The following CACNA1D variants were observed in gnomAD, a reference collection of about 807,000 sequenced individuals.
CACNA1D encodes the protein voltage-dependent L-type calcium channel subunit alpha-1D.
Under a neutral mutation model 257.1 loss-of-function variants are expected in CACNA1D, and 55 were observed. The ratio of observed to expected loss-of-function variants is 0.21; its 90% CI spans 0.17 to 0.27. The LOEUF is 0.27. Ranked by LOEUF, CACNA1D falls within the 10% of genes least tolerant of loss-of-function variation. CACNA1D has a pLI of 1.00. For missense variants in CACNA1D, 1,876 were observed against 2,784.0 expected (o/e 0.67, Z 7.34); for synonymous variants, 980 against 1,014.9 (o/e 0.97, Z 0.65).
chr3:53,696,043 A>G (rs777715129), intron 8 of CACNA1D, among the ~76,000 whole-genome samples: 1 of 152,194 alleles, frequency 6.6e-6, no homozygotes, highest in Non-Finnish European at 1.5e-5. Flanking sequence ...AGCTCACTGC[A>G]ACCTCAACCT....
At chr3:53,612,929 C>T (rs2093598647) in intron 3 of CACNA1D, among the ~76,000 whole-genome samples, 1 of 152,106 alleles carries the variant, frequency 6.6e-6, no homozygotes, top group Non-Finnish European at 1.5e-5. Context: ...TAAATTTGGT[C>T]CATTTTATTT....
In CACNA1D at chr3:53,723,643, A is replaced by G. The variant is rs2094903639; in HGVS notation, c.1876A>G (p.Ile626Val). The G allele has an allele frequency of 6.2e-7, 1 of 1,613,912 alleles. No individual in the cohort carries two copies. Among genetic ancestry groups the G allele is most frequent in the African/African-American group, 1.3e-5 (1 of 74,882 alleles). ...GTTTCGGTGTGTGCGCCTCTTAAGA[A>G]TCTTCAAAGTGACCAGGTAAGGAAA... is the stretch of plus-strand genomic sequence containing the variant. ...SVFRCVRLLR[I>V]FKVTRHWTSL... is the part of the protein sequence containing the mutation. The change falls in exon 13 of 48, where the codon ATC becomes GTC. Residue 626 changes from isoleucine (I) to valine (V), a missense_variant. By Grantham distance (29) the Ile-to-Val change is conservative. Around this residue, in one of 10 missense-constraint regions of CACNA1D, gnomAD observed 257 missense variants for 399.7 expected, o/e 0.64. Transcript: ENST00000350061. This position sits in a 1 kb window ranked among gnomAD's most constrained non-coding sequence, Gnocchi z 5.6.
chr3:53,566,707 A>AG (rs1453067932), intron 3 of CACNA1D, among the ~76,000 whole-genome samples: 1 of 152,140 alleles, frequency 6.6e-6, no homozygotes, highest in African/African-American at 2.4e-5. Context: ...GAGGGCAGAG[A>AG]GGGCCTCTGG....
chr3:53,735,684 A>G (rs1445822013), intron 20 of CACNA1D, among the ~76,000 whole-genome samples, 181 bp downstream of exon 20: 2 of 152,246 alleles, frequency 1.3e-5, no homozygotes, highest in East Asian at 3.9e-4. Flanking sequence ...TTAGCTGGGT[A>G]AATCTGAATG....
chr3:53,592,388 G>T (rs1458208659), intron 3 of CACNA1D, among the ~76,000 whole-genome samples: 1 of 152,070 alleles, frequency 6.6e-6, no homozygotes, highest in Non-Finnish European at 1.5e-5. Context: ...ATGGAGTAGG[G>T]GTGAAAGGAG....
In CACNA1D at chr3:53,495,966, CG is replaced by C. The variant is rs566584030; in HGVS notation, c.67+734del. ...CTGGCCAGCCCTCCCCTTTGGAGAC[CG>C]CCAGTGCCCCCCAACCCCTGTCGGC... On this transcript the variant is annotated intron_variant, in intron 1 of 47. Coordinates refer to ENST00000350061, the MANE Select transcript of CACNA1D (RefSeq NM_001128840.3). This position sits in a 1 kb window ranked among gnomAD's most constrained non-coding sequence, Gnocchi z 5.1. Among the ~76,000 whole-genome samples, 1,400 of 152,312 alleles carry C rather than the reference CG, an allele frequency of 9.2e-3. 16 individuals are homozygous for C. Among genetic ancestry groups the C allele is most frequent in the Middle Eastern group, 0.037 (11 of 294 alleles).
At chr3:53,779,281 T>C (rs2095413731) in intron 37 of CACNA1D, among the ~76,000 whole-genome samples, 1 of 152,210 alleles carries the variant, frequency 6.6e-6, no homozygotes, top group Non-Finnish European at 1.5e-5. Flanking sequence ...CGTGTTAACA[T>C]TTATATTTCA....
At chr3:53,531,846 A>G (rs1313330312) in intron 3 of CACNA1D, among the ~76,000 whole-genome samples, 1 of 152,190 alleles carries the variant, frequency 6.6e-6, no homozygotes, top group Admixed American at 6.5e-5. Flanking sequence ...TTGCTGGTCT[A>G]CTTTTTTTCT....
intron 3 of CACNA1D, among the ~76,000 whole-genome samples, chr3:53,598,499 C>T (rs958836966): frequency 3.3e-5 from 5 of 151,126 alleles, no homozygotes; most frequent in Middle Eastern, 3.4e-3. Context: ...GCAGGAGAAT[C>T]GCTTGAACCC....
At chr3:53,753,961 G>C (rs2095245836) in intron 29 of CACNA1D, among the ~76,000 whole-genome samples, 1 of 152,240 alleles carries the variant, frequency 6.6e-6, no homozygotes, top group Non-Finnish European at 1.5e-5. Flanking sequence ...CCAGTTTTCT[G>C]TTTCTAGAAT....
At chr3:53,564,221 C>T (rs1270369220) in intron 3 of CACNA1D, among the ~76,000 whole-genome samples, 2 of 152,028 alleles carry the variant, frequency 1.3e-5, no homozygotes, top group African/African-American at 4.8e-5. Context: ...AGTGCAATGG[C>T]ATAATCTCAG....
In CACNA1D at chr3:53,495,604, T is replaced by C. The variant is rs2090310377; in HGVS notation, c.67+371T>C. ...TTCAGCCGGAGCCCCCTTGCCAGCC[T>C]CTTCTCGCCTTCCACTCCTCCCCCG... On this transcript the variant is annotated intron_variant, in intron 1 of 47. Transcript: ENST00000350061. The surrounding 1 kb of genome is among the most constrained non-coding windows in gnomAD (Gnocchi z 5.1). 6.6e-6 allele frequency among the ~76,000 whole-genome samples: 1 copy of C among 152,128 alleles called. No homozygotes were observed. The highest frequency in any genetic ancestry group is 2.4e-5 in the African/African-American group (1 of 41,434).
At chr3:53,770,075 T>C in intron 31 of CACNA1D, 58 bp downstream of exon 31, 2 of 1,382,042 alleles carry the variant, frequency 1.4e-6, no homozygotes, top group South Asian at 2.3e-5. Flanking sequence ...TATTTGACCA[T>C]GTCGAGTTTT....
At chr3:53,589,830 A>G (rs1324417350) in intron 3 of CACNA1D, among the ~76,000 whole-genome samples, 3 of 152,094 alleles carry the variant, frequency 2.0e-5, no homozygotes, top group Non-Finnish European at 4.4e-5. Flanking sequence ...TCTCATTTCA[A>G]GGGCCCTTTT....
intron 3 of CACNA1D, among the ~76,000 whole-genome samples, chr3:53,577,436 A>G (rs1177496931): frequency 6.6e-6 from 1 of 152,074 alleles, no homozygotes; most frequent in Admixed American, 6.5e-5. Context: ...TTTATATCTT[A>G]CCAGTGTGGC....
chr3:53,566,636 C>CT, intron 3 of CACNA1D, among the ~76,000 whole-genome samples: 1 of 152,150 alleles, frequency 6.6e-6, no homozygotes, highest in Non-Finnish European at 1.5e-5. Flanking sequence ...TGTGCCACAG[C>CT]GTGGCACATG....
At chr3:53,741,973 C>A (rs1182856956) in intron 21 of CACNA1D, among the ~76,000 whole-genome samples, 1 of 152,154 alleles carries the variant, frequency 6.6e-6, no homozygotes, top group Non-Finnish European at 1.5e-5. Flanking sequence ...CGACTTAAAT[C>A]TTCTGAGTCA....
At chr3:53,669,468 A>G (rs947160908) in intron 7 of CACNA1D, among the ~76,000 whole-genome samples, 3 of 152,250 alleles carry the variant, frequency 2.0e-5, no homozygotes, top group Non-Finnish European at 4.4e-5. Flanking sequence ...GATTTTAAAT[A>G]TTGACTACAA....
chr3:53,514,149 A>G (rs1447962332), intron 3 of CACNA1D, among the ~76,000 whole-genome samples: 1 of 152,184 alleles, frequency 6.6e-6, no homozygotes, highest in Non-Finnish European at 1.5e-5. Flanking sequence ...CAGGTGAGGA[A>G]ACAAGGCTAG....
Sources: allele counts gnomAD v4.1 joint callset (sites outside exome capture counted in the v4.1 genomes callset), GRCh38; gene constraint gnomAD v4.1.1; regional missense constraint gnomAD v4.1.1; non-coding constraint Gnocchi (gnomAD v3.1); transcripts MANE v1.5; gene names NCBI Gene and HGNC (gene_info 2026-07-23, HGNC 2026-07-21).